Variants in CDYL observed in about 807,000 individuals in gnomAD.
CDYL encodes the protein chromodomain Y like, also known as chromodomain Y-like protein.
Under a neutral mutation model 47.3 loss-of-function variants are expected in CDYL, and 8 were observed. That is an observed-to-expected ratio of 0.17 (90% CI 0.10 to 0.31). CDYL has a LOEUF of 0.31. CDYL is among the 10% of genes least tolerant of loss of function. CDYL has a pLI of 1.00. For synonymous variants in CDYL, 266 were observed against 265.0 expected (o/e 1.00, Z -0.04); for missense variants, 471 against 701.4 (o/e 0.67, Z 3.71).
At chr6:4,773,047 G>A, upstream of CDYL, 1 of 445,038 alleles carries the variant, frequency 2.2e-6, no homozygotes, top group Non-Finnish European at 4.5e-6. This position sits in a 1 kb window ranked among gnomAD's most constrained non-coding sequence, Gnocchi z 4.6. Flanking sequence ...ATTCTCCCGA[G>A]ATGGGAAGAG....
chr6:4,753,690 G>A (rs1758032911), intron 3 of CDYL, among the ~76,000 whole-genome samples: 1 of 152,092 alleles, frequency 6.6e-6, no homozygotes, highest in Non-Finnish European at 1.5e-5. Flanking sequence ...TTCAACACAA[G>A]GATTTTATGG....
chr6:4,921,818 T>C (rs1757725419), intron 2 of CDYL, among the ~76,000 whole-genome samples: 1 of 152,048 alleles, frequency 6.6e-6, no homozygotes, highest in Non-Finnish European at 1.5e-5. Flanking sequence ...ACCAATTACA[T>C]TCAAAAAATA....
intron 2 of CDYL, among the ~76,000 whole-genome samples, chr6:4,723,489 T>G (rs1446007562): frequency 6.6e-6 from 1 of 151,976 alleles, no homozygotes; most frequent in African/African-American, 2.4e-5. Context: ...GAGAAAACAA[T>G]GAACAGAGAA....
intron 2 of CDYL, among the ~76,000 whole-genome samples, chr6:4,729,950 C>T (rs897636594): frequency 6.6e-6 from 1 of 152,106 alleles, no homozygotes; most frequent in African/African-American, 2.4e-5. Context: ...GTACAGGTAC[C>T]TTGAAACATC....
chr6:4,903,232 T>A (rs1306228382), intron 2 of CDYL, among the ~76,000 whole-genome samples: 1 of 152,228 alleles, frequency 6.6e-6, no homozygotes, highest in Non-Finnish European at 1.5e-5. Flanking sequence ...AGCAGGCCTG[T>A]GCTCCTGCGC....
chr6:4,863,642 A>G (rs1252498805), intron 1 of CDYL, among the ~76,000 whole-genome samples: 1 of 152,236 alleles, frequency 6.6e-6, no homozygotes. Flanking sequence ...AGTTGCTCCT[A>G]GAAAGCCATT....
At position 4,943,922 on chromosome 6, in the gene CDYL, A is replaced by C. The variant is rs111879995; in HGVS notation, c.1332+166A>C. ...CATAGACGTTGTTGACCTTTGTTGC[A>C]TCATTCCCTAGAGAAGGACTTCATT... On this transcript the variant is annotated intron_variant, in intron 5 of 6. Coordinates refer to ENST00000397588, the MANE Select transcript of CDYL (RefSeq NM_004824.4). 5.2e-3 allele frequency: 2,810 copies of C among 545,564 alleles called. 62 individuals are homozygous for C. The highest frequency in any genetic ancestry group is 0.047 in the African/African-American group (2,504 of 53,314). The allele number at this position is 545,564 out of a possible 1,614,324, so 33.8% of individuals were successfully genotyped here.
At chr6:4,776,197 C>A (rs1245598803), upstream of CDYL, among the ~76,000 whole-genome samples, 2 of 140,624 alleles carry the variant, frequency 1.4e-5, no homozygotes, top group African/African-American at 5.2e-5. Context: ...GACTGCCCCG[C>A]TCCTCCCCTT....
At chr6:4,832,012 C>T (rs898022126) in intron 1 of CDYL, among the ~76,000 whole-genome samples, 2 of 152,030 alleles carry the variant, frequency 1.3e-5, no homozygotes, top group African/African-American at 4.8e-5. Flanking sequence ...ACAATCATGT[C>T]ATCTGCAAAC....
rs73717733 is a variant in CDYL, at chr6:4,801,984, C to G, written c.24+25177C>G. Among the ~76,000 whole-genome samples the G allele has an allele frequency of 2.8e-3, 419 of 152,246 alleles. 4 individuals carry two copies. The highest frequency in any genetic ancestry group is 9.2e-3 in the African/African-American group (382 of 41,540). On this transcript the variant is annotated intron_variant, in intron 1 of 6. Coordinates refer to ENST00000397588, the MANE Select transcript of CDYL (RefSeq NM_004824.4). ...TCTTATGCTCTGAATTTGAGTGTCA[C>G]CTCTATATTCTAGTGCTGTCAGAGT...
At chr6:4,748,090 A>G (rs1757929427) in intron 3 of CDYL, among the ~76,000 whole-genome samples, 1 of 152,156 alleles carries the variant, frequency 6.6e-6, no homozygotes, top group Admixed American at 6.5e-5. Context: ...TCGACACACC[A>G]AGTCACACTG....
chr6:4,934,956 T>C (rs773739889), intron 2 of CDYL, among the ~76,000 whole-genome samples: 1 of 152,178 alleles, frequency 6.6e-6, no homozygotes, highest in Non-Finnish European at 1.5e-5. Flanking sequence ...GACTTTCTGA[T>C]AGTCCCTCCC....
intron 1 of CDYL, among the ~76,000 whole-genome samples, chr6:4,796,035 C>G (rs1012484616): frequency 2.6e-5 from 4 of 152,080 alleles, no homozygotes; most frequent in Non-Finnish European, 4.4e-5. Context: ...TCTAGGCTCA[C>G]TGCAACCTCT....
In CDYL at chr6:4,870,009, T is replaced by C. The variant is rs571024231; in HGVS notation, c.25-21704T>C. Among the ~76,000 whole-genome samples the C allele has an allele frequency of 2.7e-3, 414 of 152,338 alleles. 1 individual carries two copies. Among genetic ancestry groups the C allele is most frequent in the Non-Finnish European group, 3.7e-3 (254 of 68,028 alleles). On this transcript the variant is annotated intron_variant, in intron 1 of 6. Transcript: ENST00000397588. ...TCTGTTGACAAGAGATTTTCATTTA[T>C]TTGGGAATATCTTTATTTTGCTTTC...
intron 1 of CDYL, among the ~76,000 whole-genome samples, chr6:4,830,779 G>C (rs1760116985): frequency 1.7e-5 from 2 of 114,620 alleles, no homozygotes; most frequent in Non-Finnish European, 3.3e-5. Context: ...ACAGGCCCCA[G>C]AGTGTGATGT....
At chr6:4,773,137 A>T (rs1758362836), upstream of CDYL, 1 of 457,380 alleles carries the variant, frequency 2.2e-6, no homozygotes, top group Non-Finnish European at 4.4e-6. The surrounding 1 kb of genome is among the most constrained non-coding windows in gnomAD (Gnocchi z 4.6). Context: ...TGAGGAGGAG[A>T]GAATTGAATT....
intron 1 of CDYL, among the ~76,000 whole-genome samples, chr6:4,842,689 A>C (rs1404743688): frequency 4.6e-5 from 7 of 152,104 alleles, no homozygotes; most frequent in African/African-American, 1.4e-4. Flanking sequence ...TTCACAACAG[A>C]TACTAGGTGA....
intron 1 of CDYL, among the ~76,000 whole-genome samples, chr6:4,850,552 GTTCTT>G (rs1561668890): frequency 6.6e-6 from 1 of 152,190 alleles, no homozygotes; most frequent in East Asian, 1.9e-4. Flanking sequence ...TATTCATAGA[GTTCTT>G]TTCCTTGTAA....
intron 1 of CDYL, among the ~76,000 whole-genome samples, chr6:4,827,192 A>G (rs962843793): frequency 1.6e-4 from 25 of 152,066 alleles, no homozygotes; most frequent in African/African-American, 5.3e-4. Flanking sequence ...TTGTTTTTGA[A>G]TCTTGAGTTT....
Sources: allele counts gnomAD v4.1 joint callset (sites outside exome capture counted in the v4.1 genomes callset), GRCh38; gene constraint gnomAD v4.1.1; non-coding constraint Gnocchi (gnomAD v3.1); transcripts MANE v1.5; gene names NCBI Gene and HGNC (gene_info 2026-07-23, HGNC 2026-07-21).